Variants in ZFAT observed in about 807,000 individuals in gnomAD.
The protein encoded by ZFAT is zinc finger protein ZFAT.
Under a neutral mutation model 117.7 loss-of-function variants are expected in ZFAT, and 64 were observed. The observed-to-expected ratio is 0.54, with a 90% CI of 0.44 to 0.67. The LOEUF (loss-of-function observed/expected upper bound fraction) is 0.67. Ranked by LOEUF, ZFAT falls within the 30% of genes least tolerant of loss-of-function variation. The probability of loss-of-function intolerance (pLI) is 0.00; values close to 1 mark genes in which losing one functional copy is unlikely to be tolerated. For missense variants in ZFAT, 1,433 were observed against 1,584.5 expected (o/e 0.90, Z 1.62); for synonymous variants, 679 against 615.0 (o/e 1.10, Z -1.54).
At chr8:134,580,169 A>C (rs1042350812) in intron 10 of ZFAT, among the ~76,000 whole-genome samples, 2 of 152,178 alleles carry the variant, frequency 1.3e-5, no homozygotes, top group African/African-American at 4.8e-5. Flanking sequence ...ACTGATGAGG[A>C]AAGTGAGGTT....
intron 15 of ZFAT, among the ~76,000 whole-genome samples, chr8:134,482,609 T>G (rs1817393259): frequency 6.6e-6 from 1 of 152,242 alleles, no homozygotes; most frequent in East Asian, 1.9e-4. Context: ...AAGATAACCT[T>G]TCTCCATTTA....
chr8:134,486,938 ATG>A (rs1817696974), intron 15 of ZFAT, among the ~76,000 whole-genome samples: 1 of 152,042 alleles, frequency 6.6e-6, no homozygotes, highest in African/African-American at 2.4e-5. Context: ...ATGTGTGTAT[ATG>A]TGTGTTCATG....
chr8:134,525,064 T>C (rs1820926710), intron 12 of ZFAT, among the ~76,000 whole-genome samples: 1 of 152,198 alleles, frequency 6.6e-6, no homozygotes, highest in African/African-American at 2.4e-5. Context: ...CACACATCCT[T>C]AACCCCAGCC....
chr8:134,739,627 A>G, the ZFAT span, among the ~76,000 whole-genome samples: 2 of 152,368 alleles, frequency 1.3e-5, no homozygotes, highest in Admixed American at 1.3e-4. Flanking sequence ...TACAGGATAT[A>G]GCCTTTGCCC....
the ZFAT span, among the ~76,000 whole-genome samples, chr8:134,779,175 T>G: frequency 6.6e-5 from 10 of 152,292 alleles, 1 homozygote; most frequent in Middle Eastern, 0.01. Flanking sequence ...ACAGAGAAAG[T>G]GTCTTGTTTT....
At chr8:134,718,902 G>A in the ZFAT span, among the ~76,000 whole-genome samples, 5 of 152,230 alleles carry the variant, frequency 3.3e-5, no homozygotes, top group Non-Finnish European at 7.3e-5. Context: ...CAGCCATACA[G>A]GGAAATATGA....
rs564191594 is a variant in ZFAT, at chr8:134,644,038, C to T, written c.197-6326G>A. 9.8e-5 allele frequency among the ~76,000 whole-genome samples: 15 copies of T among 152,330 alleles called. No individual in the cohort carries two copies. In the East Asian group the frequency reaches 2.1e-3, roughly 22 times the overall value. ...ATAGACATCAACTTCCCCTGGGAAG[C>T]CTCCTTTTACCCTCACATTAGAGGA... On this transcript the variant is annotated intron_variant, in intron 2 of 15. Transcript: ENST00000377838.
chr8:134,556,046 AGGAAGGAAGGAAGGAAGGAAGGAAGGAAG>A (rs1474945363), intron 11 of ZFAT, among the ~76,000 whole-genome samples: 1 of 88,202 alleles, frequency 1.1e-5, no homozygotes, highest in Admixed American at 1.1e-4. Context: ...GAAGGAAGGA[AGGAAGGAAGGAAGGAAGGAAGGAAGGAAG>A]GGAAGGAAGG....
chr8:134,497,916 G>A (rs1818605973), intron 15 of ZFAT, among the ~76,000 whole-genome samples: 1 of 140,582 alleles, frequency 7.1e-6, no homozygotes, highest in African/African-American at 2.7e-5. Context: ...TTGGGGTGGA[G>A]CCGTGATGCC....
intron 1 of ZFAT, among the ~76,000 whole-genome samples, chr8:134,675,631 G>C (rs1199876816): frequency 2.0e-5 from 3 of 152,104 alleles, no homozygotes; most frequent in Non-Finnish European, 1.5e-5. Context: ...CTCGAGAAGA[G>C]CAACCCCAAG....
intron 15 of ZFAT, among the ~76,000 whole-genome samples, chr8:134,493,426 G>T (rs556906646): frequency 7.9e-5 from 12 of 152,330 alleles, no homozygotes; most frequent in East Asian, 3.9e-4. Flanking sequence ...GGATGAAAAG[G>T]TTTCCATACT....
At chr8:134,554,554 TG>T (rs1047226269) in intron 11 of ZFAT, among the ~76,000 whole-genome samples, 31 of 152,114 alleles carry the variant, frequency 2.0e-4, no homozygotes, top group African/African-American at 6.8e-4. Context: ...GCGCCAGAGA[TG>T]AAAGAGGAGA....
the ZFAT span, among the ~76,000 whole-genome samples, chr8:134,831,873 A>G: frequency 6.6e-6 from 1 of 151,958 alleles, no homozygotes; most frequent in African/African-American, 2.4e-5. Context: ...CGCCCCCCAG[A>G]GGCCGTGTCC....
chr8:134,636,445 TCTTA>T (rs1286337907), intron 3 of ZFAT, among the ~76,000 whole-genome samples: 1 of 152,240 alleles, frequency 6.6e-6, no homozygotes, highest in Non-Finnish European at 1.5e-5. Flanking sequence ...CTAAGTCCTA[TCTTA>T]CTTAATTGTC....
the ZFAT span, among the ~76,000 whole-genome samples, chr8:134,805,720 C>T: frequency 6.6e-6 from 1 of 152,164 alleles, no homozygotes; most frequent in South Asian, 2.1e-4. Flanking sequence ...TGTCTATAAT[C>T]ACAGCACTTT....
At chr8:134,506,938 G>A (rs367976408) in intron 15 of ZFAT, among the ~76,000 whole-genome samples, 5 of 152,132 alleles carry the variant, frequency 3.3e-5, no homozygotes, top group South Asian at 2.1e-4. Flanking sequence ...TTTTCTCTCC[G>A]GCAATACTGA....
intron 1 of ZFAT, among the ~76,000 whole-genome samples, chr8:134,669,928 A>G (rs1832465667): frequency 6.6e-6 from 1 of 152,246 alleles, no homozygotes; most frequent in Non-Finnish European, 1.5e-5. Context: ...CAAATGGACA[A>G]CAAAAAAGGC....
intron 11 of ZFAT, among the ~76,000 whole-genome samples, chr8:134,550,325 A>AAAAAAAAAAAAAAAAAAACAAC (rs1554643709): frequency 6.6e-6 from 1 of 150,532 alleles, no homozygotes; most frequent in African/African-American, 2.5e-5. Context: ...AAAAAAAAAA[A>AAAAAAAAAAAAAAAAAAACAAC]AAAAAAACAG....
At chr8:134,732,233 C>T in the ZFAT span, among the ~76,000 whole-genome samples, 1 of 152,228 alleles carries the variant, frequency 6.6e-6, no homozygotes, top group Admixed American at 6.5e-5. Context: ...TCTGGGTAAG[C>T]CCTGACCATG....
Sources: allele counts gnomAD v4.1 joint callset (sites outside exome capture counted in the v4.1 genomes callset), GRCh38; gene constraint gnomAD v4.1.1; transcripts MANE v1.5; gene names NCBI Gene and HGNC (gene_info 2026-07-23, HGNC 2026-07-21).